Variants in MAPK4 observed in about 807,000 individuals in gnomAD.
The protein encoded by MAPK4 is Erk3-related.
MAPK4 carries 22 observed loss-of-function variants against 47.7 expected under a neutral mutation model. That is an observed-to-expected ratio of 0.46 (90% CI 0.33 to 0.66). The LOEUF (loss-of-function observed/expected upper bound fraction) is 0.66. MAPK4 is among the 30% of genes least tolerant of loss of function. The pLI, the probability that MAPK4 is intolerant of heterozygous loss-of-function variation, is 0.02. For missense variants in MAPK4, 736 were observed against 831.7 expected (o/e 0.88, Z 1.42); for synonymous variants, 390 against 365.7 (o/e 1.07, Z -0.76).
chr18:50,657,336 G>C (rs2043120531), intron 1 of MAPK4, among the ~76,000 whole-genome samples: 1 of 152,200 alleles, frequency 6.6e-6, no homozygotes, highest in Admixed American at 6.5e-5. Context: ...CGGGAAATGT[G>C]AGTCTGACCC....
At chr18:50,620,119 C>G (rs776292321) in intron 1 of MAPK4, among the ~76,000 whole-genome samples, 34 of 152,224 alleles carry the variant, frequency 2.2e-4, no homozygotes, top group Non-Finnish European at 4.3e-4. Flanking sequence ...CTCAGGAATC[C>G]AGGCTCTCTG....
Position 50,712,171 on chromosome 18 carries a change from A to T in MAPK4, c.547-2908A>T, listed in dbSNP as rs1327203622. ...GTCGGGCACAGTGGCTCATGCCTGT[A>T]ATCCCAGCACTTCGAAAGGCCGAGG... On this transcript the variant is annotated intron_variant, in intron 2 of 5. Transcript: ENST00000400384. Among the ~76,000 whole-genome samples the T allele has an allele frequency of 2.6e-5, 4 of 152,236 alleles. No individual in the cohort carries two copies. The East Asian group carries it at 7.7e-4, about 29-fold the overall frequency.
chr18:50,693,835 G>A (rs1598919697), intron 2 of MAPK4, among the ~76,000 whole-genome samples: 3 of 151,974 alleles, frequency 2.0e-5, no homozygotes, highest in South Asian at 2.1e-4. Context: ...CTTATGAAAC[G>A]AGTGAGTGGT....
At chr18:50,650,544 G>C (rs1212221302) in intron 1 of MAPK4, among the ~76,000 whole-genome samples, 1 of 152,166 alleles carries the variant, frequency 6.6e-6, no homozygotes, top group African/African-American at 2.4e-5. Context: ...CTGGCCTTAA[G>C]GGGGCTTGGC....
intron 1 of MAPK4, among the ~76,000 whole-genome samples, chr18:50,658,802 C>G (rs868339763): frequency 2.5e-4 from 38 of 152,130 alleles, no homozygotes; most frequent in African/African-American, 8.9e-4. Context: ...GGGATAGTGT[C>G]GCCTTGAGGG....
chr18:50,616,160 G>A (rs1296619981), intron 1 of MAPK4, among the ~76,000 whole-genome samples: 1 of 152,188 alleles, frequency 6.6e-6, no homozygotes, highest in Non-Finnish European at 1.5e-5. Flanking sequence ...AAGGGTCTGT[G>A]TAAATCTTCC....
At chr18:50,724,565 G>C (rs558221232) in intron 4 of MAPK4, among the ~76,000 whole-genome samples, 2 of 152,346 alleles carry the variant, frequency 1.3e-5, no homozygotes, top group African/African-American at 4.8e-5. Flanking sequence ...CCTCTTTTAA[G>C]TTTGCAACTC....
chr18:50,563,016 A>G (rs2042167444), intron 1 of MAPK4, among the ~76,000 whole-genome samples: 1 of 152,142 alleles, frequency 6.6e-6, no homozygotes. Context: ...TCTTGGTACA[A>G]TGATTTTTTT....
At chr18:50,637,842 A>T (rs773911552) in intron 1 of MAPK4, among the ~76,000 whole-genome samples, 2 of 152,030 alleles carry the variant, frequency 1.3e-5, no homozygotes, top group Non-Finnish European at 2.9e-5. Context: ...CTACGTCCTA[A>T]CCTCCTTTCT....
At chr18:50,616,661 C>T (rs940328157) in intron 1 of MAPK4, among the ~76,000 whole-genome samples, 3 of 152,174 alleles carry the variant, frequency 2.0e-5, no homozygotes, top group African/African-American at 7.2e-5. Context: ...GGCCTGAGAG[C>T]CCCTGGCAGG....
At chr18:50,562,663 G>A (rs1204813645) in intron 1 of MAPK4, among the ~76,000 whole-genome samples, 1 of 152,208 alleles carries the variant, frequency 6.6e-6, no homozygotes, top group East Asian at 1.9e-4. Context: ...TTAGGATCTT[G>A]AGATGCACTG....
intron 1 of MAPK4, among the ~76,000 whole-genome samples, chr18:50,574,344 A>C (rs1033547349): frequency 6.6e-6 from 1 of 152,238 alleles, no homozygotes; most frequent in African/African-American, 2.4e-5. Context: ...AAAAGGAATA[A>C]ATGAAGCCCT....
rs148112939 is a variant in MAPK4 at position 50,707,718 on chromosome 18, T to C, written c.547-7361T>C. 4.8e-4 allele frequency among the ~76,000 whole-genome samples: 73 copies of C among 152,336 alleles called. No individual in the cohort carries two copies. In the East Asian group the frequency reaches 9.6e-3, roughly 20 times the overall value. On this transcript the variant is annotated intron_variant, in intron 2 of 5. Transcript: ENST00000400384. ...TGTGTATTTTATTACAATTAAATTT[T>C]TTATGGCAATTTTATTATAATTTTT...
At chr18:50,718,252 T>C (rs570931151) in intron 3 of MAPK4, among the ~76,000 whole-genome samples, 1 of 152,342 alleles carries the variant, frequency 6.6e-6, no homozygotes, top group South Asian at 2.1e-4. Flanking sequence ...GACAGTCTCG[T>C]GCTGTCCCCC....
chr18:50,726,257 C>A, intron 5 of MAPK4, 82 bp downstream of exon 5: 1 of 1,327,680 alleles, frequency 7.5e-7, no homozygotes, highest in Non-Finnish European at 1.1e-6. Flanking sequence ...GTGACCTTCC[C>A]CTCTGTCTCC....
At chr18:50,604,892 A>G (rs1177151732) in intron 1 of MAPK4, among the ~76,000 whole-genome samples, 1 of 152,240 alleles carries the variant, frequency 6.6e-6, no homozygotes, top group South Asian at 2.1e-4. Flanking sequence ...GAGACACATA[A>G]ATTCATCAAC....
At chr18:50,667,370 C>T (rs1433740268) in intron 2 of MAPK4, among the ~76,000 whole-genome samples, 8 of 152,146 alleles carry the variant, frequency 5.3e-5, no homozygotes, top group Non-Finnish European at 1.0e-4. Context: ...TAGCACATTG[C>T]AGAAAGGGAG....
At position 50,603,485 on chromosome 18, in the gene MAPK4, T is replaced by C. The variant is rs116405657; in HGVS notation, c.-871+43242T>C. On this transcript the variant is annotated intron_variant, in intron 1 of 5. Coordinates refer to ENST00000400384, the MANE Select transcript of MAPK4 (RefSeq NM_002747.4). ...CTCCTATGTCTACACACACACATTA[T>C]TGGGGTTCCTGCAGGATCCATGCCT... Among the ~76,000 whole-genome samples the C allele has an allele frequency of 2.7e-3, 415 of 152,144 alleles. 1 individual carries two copies. Among genetic ancestry groups the C allele is most frequent in the African/African-American group, 9.1e-3 (378 of 41,552 alleles).
intron 1 of MAPK4, among the ~76,000 whole-genome samples, chr18:50,568,236 C>A (rs1396249397): frequency 6.6e-6 from 1 of 151,482 alleles, no homozygotes; most frequent in African/African-American, 2.4e-5. Context: ...GAATTCCATA[C>A]AACCCTCATG....
Sources: gnomAD v4.1 joint callset for allele counts (sites outside exome capture counted in the v4.1 genomes callset) on GRCh38, gnomAD v4.1.1 for gene constraint, MANE v1.5 for transcripts, NCBI Gene and HGNC (gene_info 2026-07-23, HGNC 2026-07-21) for gene names.